MGAT4C: variants seen among roughly 807,000 people sequenced by gnomAD.
MGAT4C encodes the protein alpha-1,3-mannosyl-glycoprotein 4-beta-N-acetylglucosaminyltransferase C.
A neutral mutation model predicts 40.1 loss-of-function variants in MGAT4C; 19 were observed. The observed-to-expected ratio is 0.47, with a 90% confidence interval of 0.33 to 0.70. MGAT4C has a LOEUF of 0.70. Ranked by LOEUF, MGAT4C falls within the 30% of genes least tolerant of loss-of-function variation. The pLI is 0.02. For missense variants in MGAT4C, 491 were observed against 563.2 expected, an observed-to-expected ratio of 0.87 and a Z score of 1.30; for synonymous variants, 181 against 187.1, an observed-to-expected ratio of 0.97 and a Z score of 0.27.
At chr12:86,601,044 C>T (rs554486339) in intron 2 of MGAT4C, among the ~76,000 whole-genome samples, 3 of 152,368 alleles carry the variant, frequency 2.0e-5, no homozygotes, top group Admixed American at 1.3e-4. Flanking sequence ...GTCTCGGCCC[C>T]CTCCAGAAAC....
chr12:86,153,260 A>G (rs1018975603), intron 1 of MGAT4C, among the ~76,000 whole-genome samples: 1 of 152,334 alleles, frequency 6.6e-6, no homozygotes, highest in Admixed American at 6.5e-5. Context: ...ACTTACATTT[A>G]GGCCACTAAG....
chr12:86,316,718 G>A (rs1289518222), intron 4 of MGAT4C, among the ~76,000 whole-genome samples: 1 of 152,140 alleles, frequency 6.6e-6, no homozygotes, highest in African/African-American at 2.4e-5. Context: ...GGTGGGGAGG[G>A]ATGAAGAAAT....
chr12:86,704,902 A>C (rs901315511), intron 2 of MGAT4C, among the ~76,000 whole-genome samples: 41 of 152,226 alleles, frequency 2.7e-4, no homozygotes, highest in African/African-American at 9.6e-4. Flanking sequence ...GTTCTTCATT[A>C]ACATTAGCAG....
At chr12:86,456,134 T>C (rs1957507978) in intron 2 of MGAT4C, among the ~76,000 whole-genome samples, 1 of 152,142 alleles carries the variant, frequency 6.6e-6, no homozygotes. Flanking sequence ...ATTTAATTTA[T>C]TGAGGATATA....
At chr12:86,544,034 T>C (rs900810808) in intron 2 of MGAT4C, among the ~76,000 whole-genome samples, 2 of 152,146 alleles carry the variant, frequency 1.3e-5, no homozygotes, top group Non-Finnish European at 2.9e-5. Context: ...GTGAGCCCCA[T>C]TTCAGAAGCT....
At chr12:86,228,676 C>A (rs1951196107) in intron 1 of MGAT4C, among the ~76,000 whole-genome samples, 1 of 151,756 alleles carries the variant, frequency 6.6e-6, no homozygotes, top group African/African-American at 2.4e-5. Flanking sequence ...AAAAAAATTT[C>A]TTATGCTGAT....
chr12:86,405,982 T>C (rs867480575), intron 3 of MGAT4C, among the ~76,000 whole-genome samples: 1,826 of 131,086 alleles, frequency 0.014, 37 homozygotes, highest in East Asian at 0.064. Flanking sequence ...TATATATATA[T>C]ACACAAAAAA....
intron 1 of MGAT4C, among the ~76,000 whole-genome samples, chr12:86,782,181 T>A (rs1308426391): frequency 1.9e-5 from 2 of 107,762 alleles, no homozygotes; most frequent in African/African-American, 4.0e-5. Context: ...ATTTTTTTTT[T>A]TTTTTTTTTT....
rs974958921 is a variant in MGAT4C, at chr12:85,973,546, T to C, written c.*5743A>G. 7.3e-5 allele frequency: 11 copies of C among 151,006 alleles called. No homozygotes were observed. Among genetic ancestry groups the C allele is most frequent in the Middle Eastern group, 3.4e-3 (1 of 294 alleles). The allele number at this position is 151,006 out of a possible 1,614,324, so 9.4% of individuals were successfully genotyped here. A position where few individuals can be genotyped will look rare whatever the true frequency, so the allele number is the denominator to read the frequency against. ...TGTATGTGTGCCTCATGGAAATTTG[T>C]ATTTTATAGAAAAATATTGAATATT... On this transcript the variant is annotated 3_prime_UTR_variant, in exon 5 of 5. Coordinates refer to ENST00000611864, the MANE Select transcript of MGAT4C (RefSeq NM_001351288.2).
intron 1 of MGAT4C, among the ~76,000 whole-genome samples, chr12:86,775,298 G>A (rs917528476): frequency 6.6e-6 from 1 of 151,736 alleles, no homozygotes; most frequent in Non-Finnish European, 1.5e-5. Context: ...CCATGTGGAT[G>A]AACATAAGCA....
At chr12:86,778,066 A>G (rs1300392759) in intron 1 of MGAT4C, among the ~76,000 whole-genome samples, 2 of 152,182 alleles carry the variant, frequency 1.3e-5, no homozygotes, top group African/African-American at 4.8e-5. Flanking sequence ...TCTCACCTCC[A>G]TAGCTTACAA....
At chr12:86,181,917 A>C (rs533067321) in intron 1 of MGAT4C, among the ~76,000 whole-genome samples, 2 of 152,062 alleles carry the variant, frequency 1.3e-5, no homozygotes, top group African/African-American at 4.8e-5. Context: ...ATTTTATATC[A>C]GTTATATTCT....
At chr12:86,768,542 A>G (rs1336417547) in intron 1 of MGAT4C, among the ~76,000 whole-genome samples, 2 of 151,734 alleles carry the variant, frequency 1.3e-5, no homozygotes, top group Non-Finnish European at 2.9e-5. Flanking sequence ...GGAACCAAAA[A>G]AGAGCCTGCA....
At chr12:86,420,489 T>C (rs1019034990) in intron 3 of MGAT4C, among the ~76,000 whole-genome samples, 5 of 152,066 alleles carry the variant, frequency 3.3e-5, no homozygotes, top group African/African-American at 9.7e-5. Context: ...TCGCAATATT[T>C]ACAGTACCAT....
intron 1 of MGAT4C, among the ~76,000 whole-genome samples, chr12:86,253,015 A>C (rs1374554415): frequency 1.3e-5 from 2 of 151,996 alleles, no homozygotes; most frequent in African/African-American, 2.4e-5. Context: ...TATAATGTAA[A>C]AATCTATTTT....
At chr12:86,734,069 T>C (rs1200209796) in intron 1 of MGAT4C, among the ~76,000 whole-genome samples, 3 of 152,042 alleles carry the variant, frequency 2.0e-5, no homozygotes, top group South Asian at 4.1e-4. Context: ...TGGCAACAAG[T>C]TATTAATTGG....
intron 2 of MGAT4C, among the ~76,000 whole-genome samples, chr12:86,014,421 T>A (rs1020652141): frequency 2.6e-5 from 4 of 152,130 alleles, no homozygotes; most frequent in African/African-American, 9.7e-5. Context: ...TGCTTGAGGA[T>A]GTTAATGCGG....
At chr12:86,566,699 A>T (rs2136416633) in intron 2 of MGAT4C, among the ~76,000 whole-genome samples, 1 of 145,490 alleles carries the variant, frequency 6.9e-6, no homozygotes, top group East Asian at 2.0e-4. Flanking sequence ...TATTATATGT[A>T]TTATATATGT....
At chr12:86,238,374 G>A (rs1174676695) in intron 1 of MGAT4C, among the ~76,000 whole-genome samples, 1 of 151,808 alleles carries the variant, frequency 6.6e-6, no homozygotes, top group Non-Finnish European at 1.5e-5. Context: ...TATACTATCT[G>A]ATGTTTTCTA....
Sources: allele counts gnomAD v4.1 joint callset (sites outside exome capture counted in the v4.1 genomes callset), GRCh38; gene constraint gnomAD v4.1.1; transcripts MANE v1.5; gene names NCBI Gene and HGNC (gene_info 2026-07-23, HGNC 2026-07-21).